Variants in LINGO2 observed in about 807,000 individuals in gnomAD.
The protein encoded by LINGO2 is leucine rich repeat and Ig domain containing 2, also known as leucine-rich repeat and immunoglobulin-like domain-containing nogo receptor-interacting protein 2.
A neutral mutation model predicts 30.6 loss-of-function variants in LINGO2; 14 were observed. That is an observed-to-expected ratio of 0.46 (90% CI 0.30 to 0.72). The LOEUF is 0.72. Ranked by LOEUF, LINGO2 falls within the 30% of genes least tolerant of loss-of-function variation. The probability of loss-of-function intolerance (pLI) is 0.07; values close to 1 mark genes in which losing one functional copy is unlikely to be tolerated. For missense variants in LINGO2, 729 were observed against 751.7 expected, an observed-to-expected ratio of 0.97 and a Z score of 0.35; for synonymous variants, 317 against 288.5, an observed-to-expected ratio of 1.10 and a Z score of -1.00.
intron 3 of LINGO2, among the ~76,000 whole-genome samples, chr9:28,357,601 A>G (rs146173300): frequency 3.1e-4 from 47 of 152,212 alleles, no homozygotes; most frequent in African/African-American, 1.0e-3. Context: ...TAGATAGTCT[A>G]TGGAAACATT....
chr9:29,105,478 G>A, the LINGO2 span, among the ~76,000 whole-genome samples: 1 of 152,046 alleles, frequency 6.6e-6, no homozygotes, highest in East Asian at 1.9e-4. Context: ...TTCAGTCATC[G>A]AAAAGTAAAG....
At chr9:28,103,957 A>G (rs1826493073) in intron 4 of LINGO2, among the ~76,000 whole-genome samples, 1 of 152,102 alleles carries the variant, frequency 6.6e-6, no homozygotes, top group Non-Finnish European at 1.5e-5. Flanking sequence ...AACTTAAATT[A>G]CTTTTCCTTT....
the LINGO2 span, among the ~76,000 whole-genome samples, chr9:29,198,653 A>T: frequency 6.6e-6 from 1 of 152,116 alleles, no homozygotes; most frequent in African/African-American, 2.4e-5. Flanking sequence ...GAATTAAAAC[A>T]CTGTATTCCT....
chr9:28,022,913 T>A (rs1197914), intron 4 of LINGO2, among the ~76,000 whole-genome samples: 45,118 of 151,688 alleles, frequency 0.3, 7,287 homozygotes, highest in East Asian at 0.46. Flanking sequence ...CTATTGTGAC[T>A]TATCTTAAAA....
chr9:28,085,301 T>G (rs1366520294), intron 4 of LINGO2, among the ~76,000 whole-genome samples: 1 of 152,098 alleles, frequency 6.6e-6, no homozygotes, highest in Non-Finnish European at 1.5e-5. Context: ...ATGGTGGCAA[T>G]TGGAGAAGAG....
chr9:29,106,030 G>A, the LINGO2 span, among the ~76,000 whole-genome samples: 2 of 152,116 alleles, frequency 1.3e-5, no homozygotes, highest in African/African-American at 4.8e-5. Flanking sequence ...CTAAAAACAT[G>A]CCAGAACCAT....
the LINGO2 span, among the ~76,000 whole-genome samples, chr9:28,922,448 A>G: frequency 6.6e-6 from 1 of 152,188 alleles, no homozygotes; most frequent in East Asian, 1.9e-4. Flanking sequence ...TATTTAAGGA[A>G]GCAAAAATAT....
At chr9:28,153,704 T>G (rs960901167) in intron 4 of LINGO2, among the ~76,000 whole-genome samples, 1 of 152,310 alleles carries the variant, frequency 6.6e-6, no homozygotes, top group Non-Finnish European at 1.5e-5. Context: ...GTGATTAAAA[T>G]ATTGAAATAT....
chr9:28,753,196 G>A, the LINGO2 span, among the ~76,000 whole-genome samples: 17 of 152,120 alleles, frequency 1.1e-4, no homozygotes, highest in East Asian at 5.8e-4. Flanking sequence ...GTGAGTGACC[G>A]CAGAAGAAAC....
chr9:28,426,541 GT>G (rs1264565558), intron 2 of LINGO2, among the ~76,000 whole-genome samples: 1 of 152,056 alleles, frequency 6.6e-6, no homozygotes, highest in Non-Finnish European at 1.5e-5. Flanking sequence ...AACATTGTTT[GT>G]TTTGTTATTT....
intron 1 of LINGO2, among the ~76,000 whole-genome samples, chr9:28,647,392 C>T (rs1827888145): frequency 6.6e-6 from 1 of 152,016 alleles, no homozygotes; most frequent in Non-Finnish European, 1.5e-5. Context: ...AGAACTTTAA[C>T]AGGTTTGCTG....
chr9:28,580,243 G>A (rs1189579498), intron 1 of LINGO2, among the ~76,000 whole-genome samples: 1 of 151,876 alleles, frequency 6.6e-6, no homozygotes, highest in African/African-American at 2.4e-5. Context: ...GACAGCTAAT[G>A]TATAAATCCA....
intron 2 of LINGO2, among the ~76,000 whole-genome samples, chr9:28,436,421 A>AATTTATTTATTT (rs143117895): frequency 3.6e-5 from 5 of 138,926 alleles, no homozygotes; most frequent in East Asian, 2.1e-4. Flanking sequence ...TAAGGAAGAG[A>AATTTATTTATTT]ATTTATTTAT....
chr9:28,041,251 C>A (rs527765057), intron 4 of LINGO2, among the ~76,000 whole-genome samples: 2 of 152,286 alleles, frequency 1.3e-5, no homozygotes, highest in African/African-American at 4.8e-5. Context: ...CAGGTTCATA[C>A]AATGTGGCAA....
At chr9:28,301,208 C>T (rs1824128328) in intron 3 of LINGO2, among the ~76,000 whole-genome samples, 1 of 151,936 alleles carries the variant, frequency 6.6e-6, no homozygotes, top group Non-Finnish European at 1.5e-5. Context: ...TTTGAAACAC[C>T]ATTTTGCCAG....
intron 5 of LINGO2, among the ~76,000 whole-genome samples, chr9:27,979,830 G>T (rs1820771319): frequency 6.6e-6 from 1 of 151,916 alleles, no homozygotes; most frequent in Admixed American, 6.6e-5. Flanking sequence ...GGCTTTCACA[G>T]GAAATAATTA....
At chr9:29,149,364 C>A in the LINGO2 span, among the ~76,000 whole-genome samples, 1 of 152,006 alleles carries the variant, frequency 6.6e-6, no homozygotes, top group Non-Finnish European at 1.5e-5. Context: ...TGACTAGATG[C>A]AGCCAGGAAG....
At chr9:27,947,394 T>C (rs1250813691), downstream of LINGO2, among the ~76,000 whole-genome samples, 1 of 152,014 alleles carries the variant, frequency 6.6e-6, no homozygotes, top group Non-Finnish European at 1.5e-5. Flanking sequence ...GGAAAAAAAA[T>C]CAGCACAACT....
chr9:28,579,583 T>C (rs937082242), intron 1 of LINGO2, among the ~76,000 whole-genome samples: 1 of 152,078 alleles, frequency 6.6e-6, no homozygotes, highest in African/African-American at 2.4e-5. Flanking sequence ...TTGCATGAAA[T>C]ATTATATGAT....
Sources: allele counts gnomAD v4.1 joint callset (sites outside exome capture counted in the v4.1 genomes callset), GRCh38; gene constraint gnomAD v4.1.1; transcripts MANE v1.5; gene names NCBI Gene and HGNC (gene_info 2026-07-23, HGNC 2026-07-21).